Variants in MAD1L1 observed in about 807,000 individuals in gnomAD.
MAD1L1 encodes mitotic arrest deficient 1 like 1, also known as mitotic spindle assembly checkpoint protein MAD1.
MAD1L1 carries 95 observed loss-of-function variants against 96.9 expected under a neutral mutation model. That is an observed-to-expected ratio of 0.98 (90% CI 0.83 to 1.16). MAD1L1 has a LOEUF of 1.16. Among genes scored for constraint, MAD1L1 ranks in the 50% most tolerant of loss-of-function variants. The pLI, the probability that MAD1L1 is intolerant of heterozygous loss-of-function variation, is 0.00. For synonymous variants in MAD1L1, 473 were observed against 396.6 expected, an observed-to-expected ratio of 1.19 and a Z score of -2.29; for missense variants, 1,007 against 954.4, an observed-to-expected ratio of 1.06 and a Z score of -0.73.
At chr7:1,863,854 C>T (rs971222094) in intron 18 of MAD1L1, among the ~76,000 whole-genome samples, 8 of 152,094 alleles carry the variant, frequency 5.3e-5, no homozygotes, top group Non-Finnish European at 7.4e-5. Context: ...TCTGGCAGGC[C>T]GAGCCAGGTG....
At chr7:2,024,107 T>C (rs995191421) in intron 12 of MAD1L1, among the ~76,000 whole-genome samples, 6 of 146,936 alleles carry the variant, frequency 4.1e-5, no homozygotes, top group Non-Finnish European at 9.0e-5. Context: ...TTAACCAACA[T>C]TAAAAAAAAA....
intron 11 of MAD1L1, among the ~76,000 whole-genome samples, chr7:2,116,901 G>C (rs902073414): frequency 6.6e-6 from 1 of 152,198 alleles, no homozygotes; most frequent in African/African-American, 2.4e-5. Context: ...TGGTAAAGAG[G>C]ACAGTGGAGA....
intron 16 of MAD1L1, among the ~76,000 whole-genome samples, chr7:1,952,176 T>C (rs6965059): frequency 0.87 from 132,021 of 152,312 alleles, 58,369 homozygotes; most frequent in Non-Finnish European, 0.96. Flanking sequence ...CTTCAGCCCT[T>C]GTGGGCAGAA....
chr7:2,191,274 G>A (rs1324820074), intron 10 of MAD1L1, among the ~76,000 whole-genome samples: 1 of 152,162 alleles, frequency 6.6e-6, no homozygotes, highest in Non-Finnish European at 1.5e-5. Context: ...ACCTCCACCT[G>A]CCACTAGGAA....
At chr7:2,179,051 A>G (rs1476221478) in intron 10 of MAD1L1, among the ~76,000 whole-genome samples, 1 of 152,230 alleles carries the variant, frequency 6.6e-6, no homozygotes, top group Non-Finnish European at 1.5e-5. Flanking sequence ...CCACCATAAA[A>G]GCAACAGAAG....
intron 18 of MAD1L1, among the ~76,000 whole-genome samples, chr7:1,857,626 G>A (rs1784323118): frequency 6.6e-6 from 1 of 152,238 alleles, no homozygotes; most frequent in Admixed American, 6.5e-5. Context: ...AGGGCTGCCT[G>A]GGAAAGGACA....
rs1487802161 is a variant in MAD1L1, at chr7:1,968,369, A to G, written c.1506-10650T>C. On this transcript the variant is annotated intron_variant, in intron 15 of 18. Transcript: ENST00000265854. The surrounding 1 kb of genome is among the most constrained non-coding windows in gnomAD (Gnocchi z 5.6). ...ACACCTCAGTCCAGTGGTCAGGTCC[A>G]CTGTCAATGCCTCAGTCCAGCGGTC... 6.6e-6 allele frequency among the ~76,000 whole-genome samples: 1 copy of G among 150,402 alleles called. No homozygotes were observed. The highest frequency in any genetic ancestry group is 1.5e-5 in the Non-Finnish European group (1 of 67,688).
chr7:2,048,558 A>G (rs937490355), intron 12 of MAD1L1, among the ~76,000 whole-genome samples: 2 of 152,230 alleles, frequency 1.3e-5, no homozygotes, highest in Non-Finnish European at 2.9e-5. Context: ...GATGAATGGT[A>G]ATAAGCATCA....
chr7:1,908,267 A>G (rs1174439188), intron 17 of MAD1L1, among the ~76,000 whole-genome samples: 2 of 152,238 alleles, frequency 1.3e-5, no homozygotes, highest in African/African-American at 4.8e-5. Flanking sequence ...GACGTGAGAC[A>G]GGGAACAATG....
At chr7:1,954,595 G>A (rs879762102) in intron 16 of MAD1L1, among the ~76,000 whole-genome samples, 16 of 152,186 alleles carry the variant, frequency 1.1e-4, no homozygotes, top group African/African-American at 3.4e-4. Flanking sequence ...TGCACCAATA[G>A]CCATGGGGGT....
intron 18 of MAD1L1, among the ~76,000 whole-genome samples, chr7:1,819,243 T>C (rs1244060221): frequency 6.6e-6 from 1 of 152,150 alleles, no homozygotes; most frequent in Non-Finnish European, 1.5e-5. Flanking sequence ...GTAAGACACG[T>C]TGGCTGTGGC....
chr7:2,077,511 C>G (rs34564512), intron 11 of MAD1L1, among the ~76,000 whole-genome samples: 27,726 of 152,156 alleles, frequency 0.18, 2,932 homozygotes, highest in Middle Eastern at 0.33. Flanking sequence ...TCGGGCCAAG[C>G]AACAGCACTG....
At chr7:2,067,696 G>A (rs903699541) in intron 12 of MAD1L1, among the ~76,000 whole-genome samples, 2 of 152,246 alleles carry the variant, frequency 1.3e-5, no homozygotes, top group Admixed American at 6.5e-5. Context: ...TCCAGGCCTC[G>A]AGGTGACTGC....
At chr7:1,824,063 C>A (rs1330940688) in intron 18 of MAD1L1, among the ~76,000 whole-genome samples, 5 of 152,162 alleles carry the variant, frequency 3.3e-5, no homozygotes, top group Non-Finnish European at 7.3e-5. Flanking sequence ...TGGGTCCTGA[C>A]CGGGGGCTGC....
At chr7:2,051,613 G>C (rs1048659188) in intron 12 of MAD1L1, among the ~76,000 whole-genome samples, 1 of 150,872 alleles carries the variant, frequency 6.6e-6, no homozygotes, top group African/African-American at 2.4e-5. Flanking sequence ...TGCATCCGCC[G>C]GGTCACCTTG....
chr7:2,192,820 G>A (rs1312273310), intron 10 of MAD1L1, among the ~76,000 whole-genome samples: 1 of 151,984 alleles, frequency 6.6e-6, no homozygotes, highest in African/African-American at 2.4e-5. Flanking sequence ...CTGTAATTAG[G>A]TTTAAAATTC....
At position 2,218,037 on chromosome 7, in the gene MAD1L1, G is replaced by A. The variant is rs753235461; in HGVS notation, c.603C>T (p.Cys201=). The A allele has an allele frequency of 1.1e-5, 18 of 1,613,538 alleles. No individual in the cohort carries two copies. In the South Asian group the frequency reaches 1.5e-4, roughly 14 times the overall value. Residue 201 remains cysteine (C), a synonymous_variant, in exon 7 of 19, where the codon TGC becomes TGT. Coordinates refer to ENST00000265854, the MANE Select transcript of MAD1L1 (RefSeq NM_001013836.2). ...QEQLDLQHKK[C]QEANQKIQEL... is the part of the protein sequence containing the mutation. ...CCTGGATTTTCTGATTGGCTTCCTG[G>A]CATTTTCTATTGAAAGAAAAATACA... is the stretch of plus-strand genomic sequence containing the variant.
At chr7:2,149,500 C>T (rs1331159313) in intron 10 of MAD1L1, among the ~76,000 whole-genome samples, 3 of 152,176 alleles carry the variant, frequency 2.0e-5, no homozygotes, top group Non-Finnish European at 4.4e-5. Flanking sequence ...GAGACACGAC[C>T]TGACAGTGTC....
At chr7:1,919,107 G>A (rs1461276800) in intron 17 of MAD1L1, among the ~76,000 whole-genome samples, 4 of 152,242 alleles carry the variant, frequency 2.6e-5, no homozygotes, top group South Asian at 2.1e-4. Flanking sequence ...TGCAGAGATC[G>A]TCCGCCTGTC....
Sources: allele counts gnomAD v4.1 joint callset (sites outside exome capture counted in the v4.1 genomes callset), GRCh38; gene constraint gnomAD v4.1.1; non-coding constraint Gnocchi (gnomAD v3.1); transcripts MANE v1.5; gene names NCBI Gene and HGNC (gene_info 2026-07-23, HGNC 2026-07-21).